Variants in MEI4 observed in about 807,000 individuals in gnomAD.
MEI4 encodes meiosis-specific protein MEI4.
In MEI4, 27 loss-of-function variants were observed where a neutral mutation model predicts 31.4. The ratio of observed to expected loss-of-function variants is 0.86; its 90% CI spans 0.63 to 1.19. The LOEUF is 1.19. Among genes scored for constraint, MEI4 ranks in the 50% most tolerant of loss-of-function variants. The probability of loss-of-function intolerance (pLI) is 0.00; values close to 1 mark genes in which losing one functional copy is unlikely to be tolerated. For missense variants in MEI4, 329 were observed against 398.9 expected, an observed-to-expected ratio of 0.82 and a Z score of 1.49; for synonymous variants, 122 against 145.4, an observed-to-expected ratio of 0.84 and a Z score of 1.16.
chr6:77,739,152 G>A (rs1767331505), intron 2 of MEI4, among the ~76,000 whole-genome samples: 1 of 152,056 alleles, frequency 6.6e-6, no homozygotes, highest in Non-Finnish European at 1.5e-5. Flanking sequence ...TGAAGTCTTT[G>A]CCCATGCCTA....
chr6:77,913,957 C>A (rs1445017213), intron 4 of MEI4, among the ~76,000 whole-genome samples: 1 of 150,218 alleles, frequency 6.7e-6, no homozygotes, highest in African/African-American at 2.4e-5. Context: ...TGGCGTGAAT[C>A]CAGGAGGTGG....
At chr6:77,891,772 A>C (rs547218385) in intron 4 of MEI4, among the ~76,000 whole-genome samples, 2 of 152,138 alleles carry the variant, frequency 1.3e-5, no homozygotes, top group African/African-American at 2.4e-5. Flanking sequence ...ATTGATTTTC[A>C]TAGGGAAAGA....
rs138880122 is a variant in MEI4 at position 77,736,918 on chromosome 6, T to C, written c.233-24212T>C. Among the ~76,000 whole-genome samples, 216 of 152,230 alleles carry C rather than the reference T, an allele frequency of 1.4e-3. 4 individuals carry two copies. Among genetic ancestry groups the C allele is most frequent in the African/African-American group, 4.6e-3 (190 of 41,518 alleles). On this transcript the variant is annotated intron_variant, in intron 2 of 4. Coordinates refer to ENST00000684080, the MANE Select transcript of MEI4 (RefSeq NM_001322247.2). ...TAAGGATGGATAGGATTTAGAGAGCTATGGGTACTAGGCTATTTCAAACAA... is the reference window on the plus strand; with the variant it reads ...TAAGGATGGATAGGATTTAGAGAGCCATGGGTACTAGGCTATTTCAAACAA...
rs1771127315 is a variant in MEI4 at position 77,868,825 on chromosome 6, A to T, written c.900+39763A>T. On this transcript the variant is annotated intron_variant, in intron 4 of 4. Transcript: ENST00000684080. ...AGGTATTAATTCACCTTTACTCGTG[A>T]TCCTGTGATCATCCCTGAGGTCCCA... 2.0e-5 allele frequency among the ~76,000 whole-genome samples: 3 copies of T among 152,036 alleles called. No homozygotes were observed. In the South Asian group the frequency reaches 6.2e-4, roughly 32 times the overall value.
intron 2 of MEI4, among the ~76,000 whole-genome samples, chr6:77,697,651 A>T (rs889177757): frequency 7.9e-5 from 12 of 152,030 alleles, no homozygotes; most frequent in African/African-American, 1.4e-4. Context: ...ATAATTTCTG[A>T]TCTTTTACAT....
chr6:77,732,101 G>C (rs1582071168), intron 2 of MEI4, among the ~76,000 whole-genome samples: 5 of 150,926 alleles, frequency 3.3e-5, no homozygotes, highest in Admixed American at 3.3e-4. Context: ...GGATTGACTT[G>C]GCGATGCGGG....
intron 2 of MEI4, among the ~76,000 whole-genome samples, chr6:77,696,855 A>G (rs1192058862): frequency 2.0e-5 from 3 of 152,130 alleles, no homozygotes; most frequent in Non-Finnish European, 4.4e-5. Flanking sequence ...AGCTCCTCCT[A>G]GTACCTCTGG....
At chr6:77,848,984 TCCAAA>T (rs1186117357) in intron 4 of MEI4, among the ~76,000 whole-genome samples, 3 of 151,990 alleles carry the variant, frequency 2.0e-5, no homozygotes, top group Non-Finnish European at 4.4e-5. Context: ...AGCTGCACTG[TCCAAA>T]CCAAAGTAGG....
chr6:77,775,572 T>C (rs1343381685), intron 3 of MEI4, among the ~76,000 whole-genome samples: 1 of 152,100 alleles, frequency 6.6e-6, no homozygotes, highest in Non-Finnish European at 1.5e-5. Context: ...ACAATTTCTT[T>C]ATTTACTTGT....
Position 77,685,031 on chromosome 6 carries a change from G to A in MEI4, c.-14-5627G>A, listed in dbSNP as rs1040932495. On this transcript the variant is annotated intron_variant, in intron 1 of 4. Transcript: ENST00000684080. ...AGCAGTTGTTATTGCCTGTCTTTTG[G>A]ATATAAGCCCTTTTAACTGGGATGA... Among the ~76,000 whole-genome samples, 2 of 151,992 alleles carry A rather than the reference G, an allele frequency of 1.3e-5. 1 individual carries two copies. Among genetic ancestry groups the A allele is most frequent in the Non-Finnish European group, 2.9e-5 (2 of 67,968 alleles).
chr6:77,728,109 A>G (rs1766873557), intron 2 of MEI4, among the ~76,000 whole-genome samples: 1 of 151,434 alleles, frequency 6.6e-6, no homozygotes, highest in African/African-American at 2.4e-5. Context: ...GTGCTTGTTC[A>G]GGTGTGATAT....
chr6:77,669,916 C>T (rs1205370275), intron 1 of MEI4, among the ~76,000 whole-genome samples: 1 of 152,186 alleles, frequency 6.6e-6, no homozygotes, highest in Non-Finnish European at 1.5e-5. Context: ...TTAACTGCCA[C>T]ACAACTTTGT....
At position 77,761,300 on chromosome 6, in the gene MEI4, C is replaced by T; in HGVS notation, c.403C>T (p.Leu135Phe). The stretch of plus-strand genomic sequence containing the variant: ...CCCCACTCACTTTCCACCACTGCCT[C>T]TTGTGAAAAGACCTTGTGCTATCCT... ...CTPTHFPPLP[L>F]VKRPCAILQN... is the part of the protein sequence containing the mutation. The change falls in exon 3 of 5, where the codon CTT (leucine) becomes TTT (phenylalanine). Residue 135 changes from leucine to phenylalanine, a missense_variant. By Grantham distance (22) the Leu-to-Phe change is conservative. Coordinates refer to ENST00000684080, the MANE Select transcript of MEI4 (RefSeq NM_001322247.2). 1.6e-6 allele frequency: 2 copies of T among 1,232,632 alleles called. No individual in the cohort carries two copies. Among genetic ancestry groups the T allele is most frequent in the Non-Finnish European group, 2.0e-6 (2 of 988,060 alleles). The allele number at this position is 1,232,632 out of a possible 1,614,324, so 76.4% of individuals were successfully genotyped here.
At chr6:77,728,974 G>A (rs1204006084) in intron 2 of MEI4, among the ~76,000 whole-genome samples, 1 of 152,174 alleles carries the variant, frequency 6.6e-6, no homozygotes, top group Non-Finnish European at 1.5e-5. Context: ...AGGTGATAAT[G>A]GTTTAGCATA....
At chr6:77,745,019 G>A (rs1004065372) in intron 2 of MEI4, among the ~76,000 whole-genome samples, 8 of 152,126 alleles carry the variant, frequency 5.3e-5, no homozygotes, top group African/African-American at 1.7e-4. Context: ...AAAATCATGC[G>A]AAATTGTAAA....
intron 2 of MEI4, among the ~76,000 whole-genome samples, chr6:77,704,762 G>T (rs1483143886): frequency 6.6e-6 from 1 of 152,084 alleles, no homozygotes; most frequent in East Asian, 1.9e-4. Context: ...AGCGTCAAAG[G>T]AAACGTAATC....
At chr6:77,874,920 A>G (rs984785285) in intron 4 of MEI4, among the ~76,000 whole-genome samples, 25 of 152,228 alleles carry the variant, frequency 1.6e-4, no homozygotes, top group African/African-American at 5.5e-4. Context: ...ATTGATTTGC[A>G]TATATTGAAC....
At chr6:77,734,320 G>T (rs1036969064) in intron 2 of MEI4, among the ~76,000 whole-genome samples, 1 of 151,556 alleles carries the variant, frequency 6.6e-6, no homozygotes, top group African/African-American at 2.4e-5. Context: ...CCTGTATTGG[G>T]ATATATATTT....
chr6:77,758,603 A>G (rs1474052098), intron 2 of MEI4, among the ~76,000 whole-genome samples: 1 of 152,200 alleles, frequency 6.6e-6, no homozygotes, highest in Non-Finnish European at 1.5e-5. Context: ...GTATGCCAAT[A>G]GTAGTTCTGC....
Sources: allele counts gnomAD v4.1 joint callset (sites outside exome capture counted in the v4.1 genomes callset), GRCh38; gene constraint gnomAD v4.1.1; transcripts MANE v1.5; gene names NCBI Gene and HGNC (gene_info 2026-07-23, HGNC 2026-07-21).